Variants in SYT1 observed in about 807,000 individuals in gnomAD.
SYT1 encodes the protein synaptotagmin 1, also known as synaptotagmin-1.
A neutral mutation model predicts 44.8 loss-of-function variants in SYT1; 8 were observed. The ratio of observed to expected loss-of-function variants is 0.18; its 90% confidence interval spans 0.10 to 0.32. The LOEUF (loss-of-function observed/expected upper bound fraction) is 0.32. SYT1 is among the 10% of genes least tolerant of loss of function. The pLI, the probability that SYT1 is intolerant of heterozygous loss-of-function variation, is 1.00. For missense variants in SYT1, 286 were observed against 509.3 expected (o/e 0.56, Z 4.22); for synonymous variants, 154 against 188.8 (o/e 0.82, Z 1.51).
chr12:79,363,571 T>A (rs1526949), intron 9 of SYT1, among the ~76,000 whole-genome samples: 1,508 of 129,338 alleles, frequency 0.012, 42 homozygotes, highest in East Asian at 0.054. Context: ...ACAAAAAAAA[T>A]TAAAAAAAAA....
chr12:79,378,388 G>T (rs1183558437), intron 9 of SYT1, among the ~76,000 whole-genome samples: 1 of 152,176 alleles, frequency 6.6e-6, no homozygotes, highest in Non-Finnish European at 1.5e-5. Flanking sequence ...ATTTCAAAGA[G>T]AACAGTCCAC....
rs939542418 is a variant in SYT1 at position 79,076,733 on chromosome 12, T to G, written c.-18+29371T>G. On this transcript the variant is annotated intron_variant, in intron 3 of 10. Transcript: ENST00000261205. ...AGGCAGGCAGGGATCACGAGGTTTTTGGGAGGATTTTGGGATCACGAGGTC... is the reference window on the plus strand; with the variant it reads ...AGGCAGGCAGGGATCACGAGGTTTTGGGGAGGATTTTGGGATCACGAGGTC... Among the ~76,000 whole-genome samples, 11 of 152,180 alleles carry G rather than the reference T, an allele frequency of 7.2e-5. No homozygotes were observed. In the South Asian group the frequency reaches 8.3e-4, roughly 11 times the overall value.
At chr12:79,350,246 CTTTTTTTTTT>C (rs1166413638) in intron 8 of SYT1, among the ~76,000 whole-genome samples, 2 of 97,564 alleles carry the variant, frequency 2.0e-5, no homozygotes, top group Admixed American at 1.2e-4. Context: ...GATGCATATT[CTTTTTTTTTT>C]TTTTTTTTTT....
chr12:78,986,671 G>A (rs1869663159), intron 2 of SYT1, among the ~76,000 whole-genome samples: 1 of 151,870 alleles, frequency 6.6e-6, no homozygotes, highest in African/African-American at 2.4e-5. Context: ...TTCATGTCCT[G>A]AAACTACATA....
At chr12:79,245,880 CT>C (rs973779565) in intron 4 of SYT1, among the ~76,000 whole-genome samples, 2,276 of 146,334 alleles carry the variant, frequency 0.016, 36 homozygotes, top group African/African-American at 0.046. Context: ...TAGACTAACA[CT>C]TTTTTTTTTT....
intron 1 of SYT1, among the ~76,000 whole-genome samples, chr12:78,910,138 T>C (rs2137123695): frequency 6.6e-6 from 1 of 152,054 alleles, no homozygotes; most frequent in Admixed American, 6.6e-5. Context: ...GCCCCAGAAC[T>C]ATTTACCTAC....
intron 1 of SYT1, among the ~76,000 whole-genome samples, chr12:78,874,176 G>A (rs1873952099): frequency 1.3e-5 from 2 of 151,528 alleles, no homozygotes; most frequent in Non-Finnish European, 3.0e-5. Context: ...TTTTAAGTGA[G>A]AAAGTAGTGG....
chr12:79,409,773 A>G (rs113645020), intron 9 of SYT1, among the ~76,000 whole-genome samples: 93 of 152,216 alleles, frequency 6.1e-4, no homozygotes, highest in African/African-American at 2.2e-3. Context: ...CTAATATGGT[A>G]GTAGGAGAGG....
intron 3 of SYT1, among the ~76,000 whole-genome samples, chr12:79,096,951 C>T (rs759555132): frequency 6.6e-6 from 1 of 151,922 alleles, no homozygotes; most frequent in African/African-American, 2.4e-5. Context: ...ATGACAAGTA[C>T]AGAAGGGCAC....
Position 79,012,081 on chromosome 12 carries a change from G to A in SYT1, c.-84+34150G>A, listed in dbSNP as rs531244429. On this transcript the variant is annotated intron_variant, in intron 2 of 10. Transcript: ENST00000261205. The stretch of plus-strand genomic sequence containing the variant: ...CAGGAGGCGGGAGCAGTAGTGAGCC[G>A]AGATCAGCCCACTGCACTCCAGCCT... 2.0e-5 allele frequency among the ~76,000 whole-genome samples: 3 copies of A among 148,212 alleles called. No homozygotes were observed. In the East Asian group the frequency reaches 6.0e-4, roughly 29 times the overall value.
At chr12:78,966,871 T>C (rs1444107257) in intron 1 of SYT1, among the ~76,000 whole-genome samples, 1 of 152,208 alleles carries the variant, frequency 6.6e-6, no homozygotes, top group Non-Finnish European at 1.5e-5. Context: ...CTGAGTTACA[T>C]GTAAAGTCAA....
chr12:79,179,551 A>AGATATATCTATATAGATATATAGATATG (rs1565842606), intron 3 of SYT1, among the ~76,000 whole-genome samples: 1 of 134,716 alleles, frequency 7.4e-6, no homozygotes, highest in African/African-American at 2.8e-5. Flanking sequence ...ATAGAGATAT[A>AGATATATCTATATAGATATATAGATATG]GATATAGATT....
intron 9 of SYT1, among the ~76,000 whole-genome samples, chr12:79,394,721 C>G (rs1184411947): frequency 6.6e-6 from 1 of 152,124 alleles, no homozygotes; most frequent in Admixed American, 6.6e-5. Flanking sequence ...AACTAGAATT[C>G]ATCAAAAACA....
intron 1 of SYT1, among the ~76,000 whole-genome samples, chr12:78,934,365 A>G (rs1877935303): frequency 6.6e-6 from 1 of 151,990 alleles, no homozygotes; most frequent in Non-Finnish European, 1.5e-5. Flanking sequence ...TACAAAAACA[A>G]ACAAACAAAC....
intron 4 of SYT1, among the ~76,000 whole-genome samples, chr12:79,220,666 TTTTCA>T (rs1303754168): frequency 1.3e-5 from 2 of 152,140 alleles, no homozygotes; most frequent in African/African-American, 4.8e-5. Context: ...TTTGTTTCCT[TTTTCA>T]TTTCTTCAGT....
At position 79,201,091 on chromosome 12, in the gene SYT1, A is replaced by G. The variant is rs182591857; in HGVS notation, c.-17-16412A>G. Among the ~76,000 whole-genome samples the G allele has an allele frequency of 6.6e-4, 101 of 152,160 alleles. 1 individual carries two copies. Among genetic ancestry groups the G allele is most frequent in the African/African-American group, 2.3e-3 (96 of 41,516 alleles). On this transcript the variant is annotated intron_variant, in intron 3 of 10. Transcript: ENST00000261205. ...TTTTACTTCCTTCATTGTTGATGCC[A>G]TGGAGCCTCTAAAAGGCTTATAGTA... is the stretch of plus-strand genomic sequence containing the variant.
chr12:79,088,535 AAGACTTGCTGGAGGAGGGAAAGGCAC>A (rs1438468959), intron 3 of SYT1, among the ~76,000 whole-genome samples: 132 of 152,178 alleles, frequency 8.7e-4, no homozygotes, highest in Non-Finnish European at 8.8e-5. Context: ...ACGAAGTTGA[AAGACTTGCTGGAGGAGGGAAAGGCAC>A]AGATTACAGA....
chr12:78,921,638 G>A (rs1877007817), intron 1 of SYT1, among the ~76,000 whole-genome samples: 1 of 151,928 alleles, frequency 6.6e-6, no homozygotes, highest in African/African-American at 2.4e-5. Context: ...ATGAAGACAT[G>A]CCCCACCAGG....
chr12:79,263,062 A>G (rs1370301356), intron 4 of SYT1, among the ~76,000 whole-genome samples: 1 of 152,208 alleles, frequency 6.6e-6, no homozygotes, highest in Non-Finnish European at 1.5e-5. Flanking sequence ...TGCAATGTCC[A>G]GAATGCATTC....
Sources: gnomAD v4.1 joint callset for allele counts (sites outside exome capture counted in the v4.1 genomes callset) on GRCh38, gnomAD v4.1.1 for gene constraint, MANE v1.5 for transcripts, NCBI Gene and HGNC (gene_info 2026-07-23, HGNC 2026-07-21) for gene names.